FSTL4: variants seen among roughly 807,000 people sequenced by gnomAD.
The protein encoded by FSTL4 is follistatin-related protein 4.
FSTL4 carries 28 observed loss-of-function variants against 78.2 expected under a neutral mutation model. The observed-to-expected ratio is 0.36, with a 90% CI of 0.27 to 0.49. The LOEUF is 0.49. Among genes scored for constraint, FSTL4 ranks in the 20% least tolerant of loss-of-function variants. The probability of loss-of-function intolerance (pLI) is 0.98; values close to 1 mark genes in which losing one functional copy is unlikely to be tolerated. For missense variants in FSTL4, 922 were observed against 1,084.9 expected, an observed-to-expected ratio of 0.85 and a Z score of 2.11; for synonymous variants, 422 against 440.5, an observed-to-expected ratio of 0.96 and a Z score of 0.53.
intron 8 of FSTL4, among the ~76,000 whole-genome samples, chr5:133,231,495 C>G (rs1211555518): frequency 6.6e-6 from 1 of 152,168 alleles, no homozygotes; most frequent in Non-Finnish European, 1.5e-5. Flanking sequence ...TTGTGTTAAT[C>G]CACACATTAA....
the FSTL4 span, among the ~76,000 whole-genome samples, chr5:133,831,031 G>C: frequency 6.6e-6 from 1 of 152,090 alleles, no homozygotes; most frequent in African/African-American, 2.4e-5. Context: ...AAAAACACAG[G>C]GCCGAGACGC....
chr5:133,833,336 GATT>G, the FSTL4 span, among the ~76,000 whole-genome samples: 1 of 152,220 alleles, frequency 6.6e-6, no homozygotes, highest in Non-Finnish European at 1.5e-5. Flanking sequence ...AATATGAAGA[GATT>G]ATTAAGAAAT....
rs1199900017 is a variant in FSTL4 at position 133,403,827 on chromosome 5, TG to T, written c.161-2842del. On this transcript the variant is annotated intron_variant, in intron 3 of 15. Coordinates refer to ENST00000265342, the MANE Select transcript of FSTL4 (RefSeq NM_015082.2). ...AAACCAAAGCCAGTTCATGGGGGGC[TG>T]GGGGGAGAAGCTACTTTCCCTGACC... Among the ~76,000 whole-genome samples, 9 of 152,194 alleles carry T rather than the reference TG, an allele frequency of 5.9e-5. No individual in the cohort carries two copies. The East Asian group carries it at 1.5e-3, about 26-fold the overall frequency.
intron 2 of FSTL4, among the ~76,000 whole-genome samples, chr5:133,579,623 C>G (rs1045494365): frequency 3.3e-5 from 5 of 152,170 alleles, no homozygotes; most frequent in African/African-American, 1.2e-4. Flanking sequence ...TTATTACACC[C>G]TCCAGGAACC....
upstream of FSTL4, among the ~76,000 whole-genome samples, chr5:133,616,246 A>C (rs1459616836): frequency 1.3e-5 from 2 of 152,000 alleles, no homozygotes; most frequent in African/African-American, 4.8e-5. Flanking sequence ...GGGACAACAT[A>C]ATTTTTATCA....
intron 3 of FSTL4, among the ~76,000 whole-genome samples, chr5:133,462,388 C>T (rs1757610739): frequency 6.6e-6 from 1 of 152,244 alleles, no homozygotes; most frequent in Non-Finnish European, 1.5e-5. Flanking sequence ...CACATGCGTG[C>T]TCTTGTTCTC....
At chr5:133,801,490 G>C in the FSTL4 span, among the ~76,000 whole-genome samples, 6 of 152,142 alleles carry the variant, frequency 3.9e-5, no homozygotes. Context: ...TCCTGAATCT[G>C]ACGCTCCGTA....
chr5:133,199,993 G>A lies in FSTL4; in HGVS notation c.1827-196C>T, dbSNP rs1192365333. 6.6e-6 allele frequency among the ~76,000 whole-genome samples: 1 copy of A among 152,216 alleles called. No homozygotes were observed. The highest frequency in any genetic ancestry group is 1.5e-5 in the Non-Finnish European group (1 of 68,046). On this transcript the variant is annotated intron_variant, in intron 15 of 15. Transcript: ENST00000265342. The surrounding 1 kb of genome is among the most constrained non-coding windows in gnomAD (Gnocchi z 4.4). ...TCTATGATCTCAATCCAAACGCAGT[G>A]GAGTTACAAATGTTCCTGGATTTAT...
chr5:133,316,605 G>C lies in FSTL4; in HGVS notation c.457C>G (p.Leu153Val), dbSNP rs181368036. 6.2e-7 allele frequency: 1 copy of C among 1,614,106 alleles called. No homozygotes were observed. The highest frequency in any genetic ancestry group is 8.5e-7 in the Non-Finnish European group (1 of 1,179,960). ...GGCTGCAGACGGGTCTGGAGTGCCA[G>C]AAGGACATTCTTCAAGCGGGCGTAG... ...AGYARLKNVL[L>V]ALQTRLQPLQ... The change falls in exon 5 of 16, where the codon CTG (leucine) becomes GTG (valine). Residue 153 changes from leucine (L) to valine (V), a missense_variant. Coordinates refer to ENST00000265342, the MANE Select transcript of FSTL4 (RefSeq NM_015082.2).
the FSTL4 span, among the ~76,000 whole-genome samples, chr5:133,620,296 A>G: frequency 1.3e-5 from 2 of 152,178 alleles, no homozygotes; most frequent in African/African-American, 4.8e-5. Context: ...ATTTCCAAGC[A>G]CTCTGCAAAT....
At chr5:133,754,637 C>T in the FSTL4 span, among the ~76,000 whole-genome samples, 1 of 152,160 alleles carries the variant, frequency 6.6e-6, no homozygotes, top group Non-Finnish European at 1.5e-5. Context: ...ATGAGGCTCA[C>T]CTCAGAAAAC....
chr5:133,303,653 C>A (rs1469894450), intron 6 of FSTL4, among the ~76,000 whole-genome samples: 2 of 152,212 alleles, frequency 1.3e-5, no homozygotes, highest in Non-Finnish European at 2.9e-5. Flanking sequence ...ACAAGCTGGG[C>A]CTTGTAGTAG....
intron 3 of FSTL4, among the ~76,000 whole-genome samples, chr5:133,401,668 G>A (rs1215432787): frequency 2.6e-5 from 4 of 152,194 alleles, no homozygotes. Context: ...GAGCCAGGGA[G>A]CTAAGTTTGG....
chr5:133,735,799 C>A, the FSTL4 span, among the ~76,000 whole-genome samples: 1 of 152,178 alleles, frequency 6.6e-6, no homozygotes, highest in East Asian at 1.9e-4. Flanking sequence ...TGGTCCTAAG[C>A]ATAAGATAAA....
intron 4 of FSTL4, among the ~76,000 whole-genome samples, chr5:133,326,890 C>T (rs955396975): frequency 6.6e-6 from 1 of 152,232 alleles, no homozygotes; most frequent in African/African-American, 2.4e-5. Flanking sequence ...CCAGGTGCTG[C>T]AGCCTGCCCA....
At chr5:133,428,791 T>A (rs1372630215) in intron 3 of FSTL4, among the ~76,000 whole-genome samples, 1 of 152,164 alleles carries the variant, frequency 6.6e-6, no homozygotes, top group Non-Finnish European at 1.5e-5. Context: ...CCAAAGGGTT[T>A]TTCTGTTAAT....
At chr5:133,230,519 A>G (rs959727) in intron 8 of FSTL4, among the ~76,000 whole-genome samples, 72,940 of 152,080 alleles carry the variant, frequency 0.48, 17,838 homozygotes, top group East Asian at 0.72. Context: ...TAGCAGGGGC[A>G]AAAAGATGGC....
the FSTL4 span, among the ~76,000 whole-genome samples, chr5:133,665,068 G>A: frequency 6.6e-6 from 1 of 152,162 alleles, no homozygotes; most frequent in Non-Finnish European, 1.5e-5. Flanking sequence ...GGGTTATAAT[G>A]GCCCCAAATG....
intron 3 of FSTL4, among the ~76,000 whole-genome samples, chr5:133,517,509 AC>A (rs1168072678): frequency 1.5e-4 from 20 of 129,964 alleles, no homozygotes; most frequent in African/African-American, 5.5e-4. Flanking sequence ...ACACACACAC[AC>A]AAACTGAAAG....
Sources: allele counts gnomAD v4.1 joint callset (sites outside exome capture counted in the v4.1 genomes callset), GRCh38; gene constraint gnomAD v4.1.1; non-coding constraint Gnocchi (gnomAD v3.1); transcripts MANE v1.5; gene names NCBI Gene and HGNC (gene_info 2026-07-23, HGNC 2026-07-21).